The following LRP12 variants were observed in gnomAD, a reference collection of about 807,000 sequenced individuals.
The protein encoded by LRP12 is low-density lipoprotein receptor-related protein 12.
In LRP12, 14 loss-of-function variants were observed where a neutral mutation model predicts 66.0. That is an observed-to-expected ratio of 0.21 (90% CI 0.14 to 0.33). The LOEUF (loss-of-function observed/expected upper bound fraction) is 0.33, where lower values mean the gene tolerates loss of function less well. Ranked by LOEUF, LRP12 falls within the 10% of genes least tolerant of loss-of-function variation. The probability of loss-of-function intolerance (pLI) is 1.00; values close to 1 mark genes in which losing one functional copy is unlikely to be tolerated. For synonymous variants in LRP12, 357 were observed against 359.1 expected (o/e 0.99, Z 0.07); for missense variants, 889 against 1,053.4 (o/e 0.84, Z 2.16).
At chr8:104,523,468 T>C (rs931091781) in intron 2 of LRP12, among the ~76,000 whole-genome samples, 1 of 152,202 alleles carries the variant, frequency 6.6e-6, no homozygotes, top group Non-Finnish European at 1.5e-5. Context: ...TATGACATAC[T>C]ATACAACTAA....
At chr8:104,567,144 A>C (rs968793249) in intron 1 of LRP12, among the ~76,000 whole-genome samples, 30 of 152,200 alleles carry the variant, frequency 2.0e-4, no homozygotes, top group African/African-American at 7.0e-4. Context: ...CAGGAGAATT[A>C]GGTAAGGAAA....
chr8:104,572,050 A>G (rs893794023), intron 1 of LRP12, among the ~76,000 whole-genome samples: 2 of 152,262 alleles, frequency 1.3e-5, no homozygotes, highest in South Asian at 2.1e-4. Flanking sequence ...GTGAACTGAT[A>G]AACTGTGGTA....
intron 1 of LRP12, among the ~76,000 whole-genome samples, chr8:104,585,805 G>A (rs1405096386): frequency 6.6e-6 from 1 of 152,174 alleles, no homozygotes; most frequent in Non-Finnish European, 1.5e-5. Context: ...GAGACAAACA[G>A]AAGTGGAAAG....
chr8:104,558,625 A>T (rs192005668), intron 1 of LRP12, among the ~76,000 whole-genome samples: 2,061 of 152,268 alleles, frequency 0.014, 22 homozygotes, highest in Non-Finnish European at 0.023. Flanking sequence ...TTAAACTAAA[A>T]AGCTTCTGCA....
At chr8:104,566,305 G>A (rs1204822844) in intron 1 of LRP12, 1 of 271,954 alleles carries the variant, frequency 3.7e-6, no homozygotes, top group Non-Finnish European at 6.8e-6. Context: ...ACATTAAGGT[G>A]ATCAAGTAGA....
At chr8:104,581,840 A>G (rs889234431) in intron 1 of LRP12, among the ~76,000 whole-genome samples, 9 of 152,206 alleles carry the variant, frequency 5.9e-5, no homozygotes, top group Non-Finnish European at 2.9e-5. Context: ...GTTTCTTCTA[A>G]TAATACCTAC....
At chr8:104,583,174 A>C (rs1389117976) in intron 1 of LRP12, among the ~76,000 whole-genome samples, 1 of 152,164 alleles carries the variant, frequency 6.6e-6, no homozygotes, top group East Asian at 1.9e-4. Context: ...ATAGTAGCAA[A>C]TGTGACTGTT....
intron 1 of LRP12, among the ~76,000 whole-genome samples, chr8:104,549,196 C>T (rs1301807688): frequency 1.3e-5 from 2 of 152,068 alleles, no homozygotes; most frequent in Non-Finnish European, 2.9e-5. Flanking sequence ...TCCTTCCTTA[C>T]ATTTTCCTAT....
intron 3 of LRP12, 155 bp downstream of exon 3, chr8:104,508,784 T>G: frequency 1.6e-6 from 1 of 618,260 alleles, no homozygotes; most frequent in Non-Finnish European, 2.7e-6. Context: ...GCTGTTACTC[T>G]TACTCTTAAG....
intron 2 of LRP12, among the ~76,000 whole-genome samples, chr8:104,524,720 G>A (rs1031005205): frequency 5.3e-5 from 8 of 152,106 alleles, no homozygotes; most frequent in African/African-American, 1.4e-4. Flanking sequence ...TAGGAAGGTA[G>A]GGTTAATGGG....
chr8:104,562,952 T>C (rs868234551), intron 1 of LRP12, among the ~76,000 whole-genome samples: 15 of 152,200 alleles, frequency 9.9e-5, no homozygotes, highest in Middle Eastern at 3.2e-3. Context: ...TGAGTTCTAG[T>C]AATAAATTTT....
chr8:104,490,614 C>G lies in LRP12; in HGVS notation c.*59G>C. The G allele has an allele frequency of 6.6e-7, 1 of 1,509,962 alleles. No individual in the cohort carries two copies. The highest frequency in any genetic ancestry group is 1.4e-5 in the African/African-American group (1 of 71,546). The allele number at this position is 1,509,962 out of a possible 1,614,324, so 93.5% of individuals were successfully genotyped here. ...TAAAACTAGTTTAACTGTAAAGTTA[C>G]AAAATAATAAATGGATATTGCTCCA... On this transcript the variant is annotated 3_prime_UTR_variant, in exon 7 of 7. Coordinates refer to ENST00000276654, the MANE Select transcript of LRP12 (RefSeq NM_013437.5).
At chr8:104,559,028 G>A (rs1296687695) in intron 1 of LRP12, among the ~76,000 whole-genome samples, 1 of 152,072 alleles carries the variant, frequency 6.6e-6, no homozygotes, top group African/African-American at 2.4e-5. Flanking sequence ...ACTAGTACAA[G>A]CACTATGGAA....
rs779021302 is a variant in LRP12, at chr8:104,498,038, G to A, written c.514C>T (p.Arg172Cys). 28 of 1,608,692 alleles carry A rather than the reference G, an allele frequency of 1.7e-5. No homozygotes were observed. The Admixed American group carries it at 3.5e-4, about 20-fold the overall frequency. ...GGTATACACTTTCCATTACCACAAC[G>A]AAACTGATCACAAGCACAATTTGGT... ...EEPNCACDQFRCGNGKCIPEA... is the reference protein window; with the variant it reads ...EEPNCACDQFCCGNGKCIPEA... Residue 172 changes from arginine (R) to cysteine (C), a missense_variant, in exon 5 of 7, where the codon CGT becomes TGT. Around this residue, in one of 3 missense-constraint regions of LRP12, gnomAD observed 800 missense variants for 964.5 expected, o/e 0.83. Coordinates refer to ENST00000276654, the MANE Select transcript of LRP12 (RefSeq NM_013437.5).
At chr8:104,573,039 A>G (rs997595203) in intron 1 of LRP12, among the ~76,000 whole-genome samples, 1 of 152,168 alleles carries the variant, frequency 6.6e-6, no homozygotes, top group African/African-American at 2.4e-5. Flanking sequence ...ATCGTATACA[A>G]ATGTAATTTA....
chr8:104,588,750 T>A (rs1812377608), intron 1 of LRP12, 69 bp downstream of exon 1: 2 of 1,419,930 alleles, frequency 1.4e-6, no homozygotes, highest in Non-Finnish European at 1.9e-6. Flanking sequence ...ACCCCCGTCC[T>A]GGAGGCCTCG....
In LRP12 at chr8:104,589,231, G is replaced by A. The variant is rs1052379553; in HGVS notation, c.-334C>T. On this transcript the variant is annotated 5_prime_UTR_variant, in exon 1 of 7. Coordinates refer to ENST00000276654, the MANE Select transcript of LRP12 (RefSeq NM_013437.5). ...CGGACTCCGGCCTCGCGCCGCTCGG[G>A]CTAGCCGGCGCCGCCACTCGCCAGA... 6.6e-6 allele frequency among the ~76,000 whole-genome samples: 1 copy of A among 151,632 alleles called. No individual in the cohort carries two copies. Among genetic ancestry groups the A allele is most frequent in the Admixed American group, 6.6e-5 (1 of 15,236 alleles).
At chr8:104,499,223 T>G (rs1393596882) in intron 4 of LRP12, 94 bp downstream of exon 4, 66 of 991,890 alleles carry the variant, frequency 6.7e-5, no homozygotes. Context: ...CTACTCCTAA[T>G]TAAATGAACA....
At chr8:104,511,474 T>C (rs1320149327) in intron 2 of LRP12, among the ~76,000 whole-genome samples, 2 of 152,106 alleles carry the variant, frequency 1.3e-5, no homozygotes, top group African/African-American at 4.8e-5. Flanking sequence ...CTCAGCTTCC[T>C]GAGTAGCTGG....
Sources: gnomAD v4.1 joint callset for allele counts (sites outside exome capture counted in the v4.1 genomes callset) on GRCh38, gnomAD v4.1.1 for gene constraint, gnomAD v4.1.1 regional missense constraint, MANE v1.5 for transcripts, NCBI Gene and HGNC (gene_info 2026-07-23, HGNC 2026-07-21) for gene names.